CDH12: variants seen among roughly 807,000 people sequenced by gnomAD.
The protein encoded by CDH12 is cadherin-12.
Under a neutral mutation model 74.1 loss-of-function variants are expected in CDH12, and 41 were observed. That is an observed-to-expected ratio of 0.55 (90% CI 0.43 to 0.72). The LOEUF is 0.72. Ranked by LOEUF, CDH12 falls within the 30% of genes least tolerant of loss-of-function variation. The pLI is 0.00. For missense variants in CDH12, 945 were observed against 977.2 expected, an observed-to-expected ratio of 0.97 and a Z score of 0.44; for synonymous variants, 399 against 355.0, an observed-to-expected ratio of 1.12 and a Z score of -1.39.
chr5:22,033,069 C>G (rs888624813), intron 5 of CDH12, among the ~76,000 whole-genome samples: 23 of 148,936 alleles, frequency 1.5e-4, no homozygotes, highest in Non-Finnish European at 2.8e-4. Flanking sequence ...CAGGCTGACT[C>G]AGACTATTAT....
chr5:22,123,270 C>T (rs962057746), intron 4 of CDH12, among the ~76,000 whole-genome samples: 3 of 152,110 alleles, frequency 2.0e-5, no homozygotes, highest in South Asian at 2.1e-4. Flanking sequence ...AAAGAAGGGG[C>T]GTCTCACCTG....
At chr5:22,332,367 G>A (rs1388093326) in intron 3 of CDH12, among the ~76,000 whole-genome samples, 1 of 152,098 alleles carries the variant, frequency 6.6e-6, no homozygotes. Flanking sequence ...TATTTAAAGT[G>A]CAGAAGAAAT....
intron 5 of CDH12, among the ~76,000 whole-genome samples, chr5:22,014,869 AAAT>A (rs982096867): frequency 6.6e-6 from 1 of 152,226 alleles, no homozygotes; most frequent in Admixed American, 6.5e-5. Flanking sequence ...TCAGCCGAAA[AAAT>A]AATAATTATA....
chr5:22,580,322 G>A, intron 1 of CDH12: 1 of 433,166 alleles, frequency 2.3e-6, no homozygotes, highest in East Asian at 7.1e-5. Context: ...CAAACAAGTG[G>A]TGCTTGCACA....
At chr5:22,524,656 G>A (rs17274798) in intron 1 of CDH12, among the ~76,000 whole-genome samples, 7,015 of 152,230 alleles carry the variant, frequency 0.046, 221 homozygotes, top group Middle Eastern at 0.088. Flanking sequence ...TGCAGTATCA[G>A]TTGGAATAGA....
At chr5:21,788,536 A>C (rs1463026152) in intron 10 of CDH12, among the ~76,000 whole-genome samples, 2 of 152,192 alleles carry the variant, frequency 1.3e-5, no homozygotes, top group Non-Finnish European at 2.9e-5. Flanking sequence ...TCCCTGGTGC[A>C]TGATTTGTAT....
chr5:22,143,954 A>G (rs2150301441), intron 4 of CDH12: 1 of 152,350 alleles, frequency 6.6e-6, no homozygotes, highest in Admixed American at 6.5e-5. Flanking sequence ...GCCACTTAAA[A>G]AAAAAAAGAC....
intron 1 of CDH12, among the ~76,000 whole-genome samples, chr5:22,656,703 C>A (rs1740055477): frequency 6.6e-6 from 1 of 152,130 alleles, no homozygotes; most frequent in South Asian, 2.1e-4. Flanking sequence ...GAGTATTACT[C>A]ATGTATGTGC....
At chr5:21,902,969 T>C (rs1008571539) in intron 6 of CDH12, among the ~76,000 whole-genome samples, 1 of 152,152 alleles carries the variant, frequency 6.6e-6, no homozygotes, top group African/African-American at 2.4e-5. Flanking sequence ...TATTATGTCA[T>C]AAATTTTACA....
intron 1 of CDH12, among the ~76,000 whole-genome samples, chr5:22,735,372 C>T (rs1347781739): frequency 6.6e-6 from 1 of 151,848 alleles, no homozygotes; most frequent in African/African-American, 2.4e-5. Context: ...TTATGAAATA[C>T]ACACACATAT....
At chr5:22,488,633 C>G (rs1286756040) in intron 2 of CDH12, among the ~76,000 whole-genome samples, 2 of 152,122 alleles carry the variant, frequency 1.3e-5, no homozygotes, top group African/African-American at 4.8e-5. Context: ...CTCTCAAACT[C>G]TGGGCCACTA....
chr5:22,012,068 A>G (rs1203199993), intron 5 of CDH12, among the ~76,000 whole-genome samples: 1 of 152,110 alleles, frequency 6.6e-6, no homozygotes, highest in Non-Finnish European at 1.5e-5. Flanking sequence ...ACATACTCTT[A>G]TATAATTAAA....
chr5:22,840,134 T>C (rs1443501329), intron 1 of CDH12, among the ~76,000 whole-genome samples: 2 of 152,174 alleles, frequency 1.3e-5, no homozygotes, highest in African/African-American at 4.8e-5. Flanking sequence ...GTTTGTTGTT[T>C]GTTTGAGAGA....
At chr5:22,320,026 C>A (rs1048960742) in intron 3 of CDH12, among the ~76,000 whole-genome samples, 1 of 152,082 alleles carries the variant, frequency 6.6e-6, no homozygotes, top group East Asian at 1.9e-4. Context: ...CATTCTCAAG[C>A]CTTGAGCCTG....
intron 3 of CDH12, among the ~76,000 whole-genome samples, chr5:22,280,920 A>T (rs914408371): frequency 6.6e-6 from 1 of 152,178 alleles, no homozygotes; most frequent in Non-Finnish European, 1.5e-5. Flanking sequence ...GACACAACAA[A>T]AAAAGAGAAT....
intron 5 of CDH12, among the ~76,000 whole-genome samples, chr5:22,015,023 C>T (rs1430744134): frequency 6.6e-6 from 1 of 152,142 alleles, no homozygotes; most frequent in Non-Finnish European, 1.5e-5. Flanking sequence ...ATATTCTTCC[C>T]TGTAAATCTA....
chr5:22,505,321 C>T lies in CDH12; in HGVS notation c.-479G>A. ...ACTCCCAACTGCTCCTGGGTTCCAG[C>T]TTGTCTATATTTCCCAAAAGAGCCA... On this transcript the variant is annotated 5_prime_UTR_variant, in exon 2 of 15. Coordinates refer to ENST00000382254, the MANE Select transcript of CDH12 (RefSeq NM_004061.5). 1.0e-6 allele frequency: 1 copy of T among 985,084 alleles called. No individual in the cohort carries two copies. Among genetic ancestry groups the T allele is most frequent in the South Asian group, 4.7e-5 (1 of 21,280 alleles). The allele number at this position is 985,084 out of a possible 1,614,324, so 61.0% of individuals were successfully genotyped here.
chr5:21,841,481 C>T (rs1422447273), intron 8 of CDH12, among the ~76,000 whole-genome samples: 1 of 150,082 alleles, frequency 6.7e-6, no homozygotes, highest in Non-Finnish European at 1.5e-5. Flanking sequence ...CTAGAAATAC[C>T]ATTTGACCCA....
chr5:22,545,139 T>C (rs1738260400), intron 1 of CDH12, among the ~76,000 whole-genome samples: 1 of 152,200 alleles, frequency 6.6e-6, no homozygotes, highest in African/African-American at 2.4e-5. Context: ...GACAGTTTCC[T>C]AAACCTGAAT....
Sources: allele counts gnomAD v4.1 joint callset (sites outside exome capture counted in the v4.1 genomes callset), GRCh38; gene constraint gnomAD v4.1.1; transcripts MANE v1.5; gene names NCBI Gene and HGNC (gene_info 2026-07-23, HGNC 2026-07-21).